TUBA8: variants seen among roughly 807,000 people sequenced by gnomAD.
TUBA8 encodes the protein tubulin alpha-8 chain.
In TUBA8, 29 loss-of-function variants were observed where a neutral mutation model predicts 34.7. That is an observed-to-expected ratio of 0.84 (90% CI 0.62 to 1.14). The LOEUF (loss-of-function observed/expected upper bound fraction) is 1.14. Among genes scored for constraint, TUBA8 ranks in the 50% most tolerant of loss-of-function variants. The pLI, the probability that TUBA8 is intolerant of heterozygous loss-of-function variation, is 0.00. For missense variants in TUBA8, 541 were observed against 599.2 expected (o/e 0.90, Z 1.01); for synonymous variants, 226 against 231.2 (o/e 0.98, Z 0.21).
rs760226553 is a variant in TUBA8, at chr22:18,126,503, C to T, written c.525C>T (p.Pro175=). The part of the protein sequence containing the change: ...SKLEFAIYPA[P]QVSTAVVEPY... The stretch of plus-strand genomic sequence containing the variant: ...TGGAGTTTGCCATCTACCCAGCCCC[C>T]CAGGTCTCTACTGCAGTGGTGGAGC... Residue 175 remains proline (P), a synonymous_variant, in exon 4 of 5, where the codon CCC becomes CCT. Coordinates refer to ENST00000330423, the MANE Select transcript of TUBA8 (RefSeq NM_018943.3). The surrounding 1 kb of genome is among the most constrained non-coding windows in gnomAD (Gnocchi z 4.0). 3 of 1,614,130 alleles carry T rather than the reference C, an allele frequency of 1.9e-6. No individual in the cohort carries two copies. The highest frequency in any genetic ancestry group is 2.2e-5 in the East Asian group (1 of 44,878).
In TUBA8 at chr22:18,124,489, G is replaced by T; in HGVS notation, c.375+185G>T. On this transcript the variant is annotated intron_variant, in intron 3 of 4. Coordinates refer to ENST00000330423, the MANE Select transcript of TUBA8 (RefSeq NM_018943.3). This position sits in a 1 kb window ranked among gnomAD's most constrained non-coding sequence, Gnocchi z 4.3. The stretch of plus-strand genomic sequence containing the variant: ...ACAGGGGTGATGCCCCTTCCTCTGT[G>T]TTGGCATCATAGACTGTGTTCCAGG... The T allele has an allele frequency of 1.5e-6, 1 of 662,636 alleles. No homozygotes were observed. The highest frequency in any genetic ancestry group is 2.5e-6 in the Non-Finnish European group (1 of 398,514). The allele number at this position is 662,636 out of a possible 1,614,324, so 41.0% of individuals were successfully genotyped here. A position where few individuals can be genotyped will look rare whatever the true frequency, so the allele number is the denominator to read the frequency against.
intron 2 of TUBA8, chr22:18,122,219 C>G (rs1419832446): frequency 6.3e-6 from 1 of 157,852 alleles, no homozygotes; most frequent in Non-Finnish European, 1.4e-5. Flanking sequence ...GCAGATCTCC[C>G]CTTCCCACAC....
intron 4 of TUBA8, 55 bp downstream of exon 4, chr22:18,127,089 G>A: frequency 6.3e-7 from 1 of 1,594,774 alleles, no homozygotes; most frequent in South Asian, 1.1e-5. Context: ...AGAGGGAGGT[G>A]ACCAAGGATA....
intron 3 of TUBA8, chr22:18,125,513 CAAAAAAAAAAA>C (rs361619): frequency 4.5e-5 from 3 of 66,970 alleles, no homozygotes; most frequent in Non-Finnish European, 1.1e-4. Context: ...GACTCTGTCT[CAAAAAAAAAAA>C]AAAAAAAAAA....
rs140079876 is a variant in TUBA8, at chr22:18,130,729, C to T, written c.1057-114C>T. The T allele has an allele frequency of 4.2e-4, 597 of 1,417,360 alleles. 1 individual carries two copies. Among genetic ancestry groups the T allele is most frequent in the Admixed American group, 1.9e-3 (106 of 55,362 alleles). 87.8% of individuals were successfully genotyped at this position (1,417,360 alleles called of 1,614,324 possible). A position where few individuals can be genotyped will look rare whatever the true frequency, so the allele number is the denominator to read the frequency against. ...GTTGCATCCCATAGCCCCACTCCCA[C>T]GCCCCTGACCATGACTTGAAGCCAT... On this transcript the variant is annotated intron_variant, in intron 4 of 4. Coordinates refer to ENST00000330423, the MANE Select transcript of TUBA8 (RefSeq NM_018943.3).
In TUBA8 at chr22:18,118,310, C is replaced by T. The variant is rs1440492842; in HGVS notation, c.4-3169C>T. On this transcript the variant is annotated intron_variant, in intron 1 of 4. Transcript: ENST00000330423. The surrounding 1 kb of genome is among the most constrained non-coding windows in gnomAD (Gnocchi z 4.0). Reference sequence around the variant, plus strand: ...TCAATTAAAGAAAAAAGAGCCTTCTCTAACTAACGGGGCTGTCTGGATAGG... The same window carrying T: ...TCAATTAAAGAAAAAAGAGCCTTCTTTAACTAACGGGGCTGTCTGGATAGG... 3 of 152,242 alleles carry T rather than the reference C, an allele frequency of 2.0e-5. No homozygotes were observed. The East Asian group carries it at 5.8e-4, about 29-fold the overall frequency. The allele number at this position is 152,242 out of a possible 1,614,324, so 9.4% of individuals were successfully genotyped here.
rs1023802956 is a variant in TUBA8, at chr22:18,131,543, G to A, written c.*407G>A. On this transcript the variant is annotated 3_prime_UTR_variant, in exon 5 of 5. Coordinates refer to ENST00000330423, the MANE Select transcript of TUBA8 (RefSeq NM_018943.3). This position sits in a 1 kb window ranked among gnomAD's most constrained non-coding sequence, Gnocchi z 5.3. ...GGAAGATTCCGGGGCAGGGGTGAGC[G>A]GACGTTCACATGAGTGGGTCTATAG... The A allele has an allele frequency of 1.7e-5, 5 of 288,844 alleles. No individual in the cohort carries two copies. Among genetic ancestry groups the A allele is most frequent in the East Asian group, 8.9e-5 (1 of 11,214 alleles). 17.9% of individuals were successfully genotyped at this position (288,844 alleles called of 1,614,324 possible). A position where few individuals can be genotyped will look rare whatever the true frequency, so the allele number is the denominator to read the frequency against.
At position 18,131,268 on chromosome 22, in the gene TUBA8, A is replaced by G; in HGVS notation, c.*132A>G. 14 of 1,004,444 alleles carry G rather than the reference A, an allele frequency of 1.4e-5. No homozygotes were observed. The highest frequency in any genetic ancestry group is 2.1e-5 in the Non-Finnish European group (14 of 665,008). The allele number at this position is 1,004,444 out of a possible 1,614,324, so 62.2% of individuals were successfully genotyped here. Reference sequence around the variant, plus strand: ...ACCCAGGAGGAGGGTGCCTGGCCCCAGTACCCAGGGTGGCACGACTGGGCT... The same window carrying G: ...ACCCAGGAGGAGGGTGCCTGGCCCCGGTACCCAGGGTGGCACGACTGGGCT... On this transcript the variant is annotated 3_prime_UTR_variant, in exon 5 of 5. Coordinates refer to ENST00000330423, the MANE Select transcript of TUBA8 (RefSeq NM_018943.3). The surrounding 1 kb of genome is among the most constrained non-coding windows in gnomAD (Gnocchi z 5.3).
At position 18,126,196 on chromosome 22, in the gene TUBA8, C is replaced by A; in HGVS notation, c.376-158C>A. 1 of 706,532 alleles carries A rather than the reference C, an allele frequency of 1.4e-6. No individual in the cohort carries two copies. Among genetic ancestry groups the A allele is most frequent in the Non-Finnish European group, 2.4e-6 (1 of 414,540 alleles). The allele number at this position is 706,532 out of a possible 1,614,324, so 43.8% of individuals were successfully genotyped here. A position where few individuals can be genotyped will look rare whatever the true frequency, so the allele number is the denominator to read the frequency against. ...ATATTTTAGCCACTCCTCCAAAGAT[C>A]AATACAACTCCTTTTGTTTCCTTAC... On this transcript the variant is annotated intron_variant, in intron 3 of 4. Coordinates refer to ENST00000330423, the MANE Select transcript of TUBA8 (RefSeq NM_018943.3). The surrounding 1 kb of genome is among the most constrained non-coding windows in gnomAD (Gnocchi z 4.0).
chr22:18,129,941 C>T (rs1035066372), intron 4 of TUBA8: 1 of 152,252 alleles, frequency 6.6e-6, no homozygotes, highest in Admixed American at 6.5e-5. Flanking sequence ...AGCAGCACCA[C>T]TGTAAGACGG....
In TUBA8 at chr22:18,126,543, C is replaced by T. The variant is rs921226473; in HGVS notation, c.565C>T (p.Leu189=). The T allele has an allele frequency of 1.2e-6, 2 of 1,614,200 alleles. No homozygotes were observed. Among genetic ancestry groups the T allele is most frequent in the Non-Finnish European group, 1.7e-6 (2 of 1,180,046 alleles). Residue 189 remains leucine (L), a synonymous_variant, in exon 4 of 5, where the codon CTG becomes TTG. Coordinates refer to ENST00000330423, the MANE Select transcript of TUBA8 (RefSeq NM_018943.3). The surrounding 1 kb of genome is among the most constrained non-coding windows in gnomAD (Gnocchi z 4.0). ...AGTGGTGGAGCCCTACAACTCCATC[C>T]TGACCACCCACACCACACTGGAACA... The part of the protein sequence containing the change: ...TAVVEPYNSI[L]TTHTTLEHSD...
intron 4 of TUBA8, chr22:18,129,921 T>G (rs1214386102): frequency 1.3e-5 from 2 of 152,068 alleles, no homozygotes; most frequent in African/African-American, 4.8e-5. Flanking sequence ...AGAAGAGAGA[T>G]TTCCAGGATA....
At chr22:18,123,987 A>C in intron 2 of TUBA8, 169 bp from the exon 3 acceptor site, 1 of 775,360 alleles carries the variant, frequency 1.3e-6, no homozygotes, top group Non-Finnish European at 2.1e-6. Flanking sequence ...TCCCTGAGCT[A>C]CCCGGGAATT....
rs1183959405 is a variant in TUBA8 at position 18,119,932 on chromosome 22, G to T, written c.4-1547G>T. ...CTGGAAAATGCCAGGGCAGGTCATG[G>T]GTAAAAATAGAAACCCACAGACCTG... On this transcript the variant is annotated intron_variant, in intron 1 of 4. Transcript: ENST00000330423. This position sits in a 1 kb window ranked among gnomAD's most constrained non-coding sequence, Gnocchi z 5.9. 2.0e-5 allele frequency: 3 copies of T among 152,224 alleles called. No homozygotes were observed. Among genetic ancestry groups the T allele is most frequent in the Admixed American group, 6.5e-5 (1 of 15,286 alleles). The allele number at this position is 152,224 out of a possible 1,614,324, so 9.4% of individuals were successfully genotyped here.
rs1569199392 is a variant in TUBA8, at chr22:18,121,853, G to A, written c.226+152G>A. ...CCACGTGACATCTGTCAGCTCCTTG[G>A]GGTCCCCACAGTCTCGGGGAATCTC... On this transcript the variant is annotated intron_variant, in intron 2 of 4. Coordinates refer to ENST00000330423, the MANE Select transcript of TUBA8 (RefSeq NM_018943.3). The surrounding 1 kb of genome is among the most constrained non-coding windows in gnomAD (Gnocchi z 4.8). 3 of 699,676 alleles carry A rather than the reference G, an allele frequency of 4.3e-6. No individual in the cohort carries two copies. The highest frequency in any genetic ancestry group is 3.5e-5 in the South Asian group (2 of 56,578). 43.3% of individuals were successfully genotyped at this position (699,676 alleles called of 1,614,324 possible). A position where few individuals can be genotyped will look rare whatever the true frequency, so the allele number is the denominator to read the frequency against.
chr22:18,118,947 C>T lies in TUBA8; in HGVS notation c.4-2532C>T, dbSNP rs1928058902. 6.6e-6 allele frequency: 1 copy of T among 152,276 alleles called. No homozygotes were observed. The highest frequency in any genetic ancestry group is 6.5e-5 in the Admixed American group (1 of 15,280). The allele number at this position is 152,276 out of a possible 1,614,324, so 9.4% of individuals were successfully genotyped here. On this transcript the variant is annotated intron_variant, in intron 1 of 4. Transcript: ENST00000330423. The surrounding 1 kb of genome is among the most constrained non-coding windows in gnomAD (Gnocchi z 4.0). ...CGATTTTCCCAAAATATCCCTGCGT[C>T]CTCCCTGGAAAGCCCCAGAATGTTC...
At chr22:18,123,836 A>G in intron 2 of TUBA8, 1 of 357,698 alleles carries the variant, frequency 2.8e-6, no homozygotes, top group Non-Finnish European at 5.4e-6. Flanking sequence ...CGGCCTCCCA[A>G]AGTGTTAGGA....
chr22:18,127,148 G>T, intron 4 of TUBA8, 114 bp downstream of exon 4: 2 of 1,038,898 alleles, frequency 1.9e-6, no homozygotes, highest in Non-Finnish European at 2.8e-6. Context: ...AGGGGAGGGG[G>T]ACTTCAACCA....
intron 4 of TUBA8, chr22:18,128,303 T>C (rs1809454013): frequency 6.6e-6 from 1 of 152,060 alleles, no homozygotes; most frequent in African/African-American, 2.4e-5. Context: ...GTCTGGAAAA[T>C]GCCAGGCTCA....
Sources: gnomAD v4.1 joint callset for allele counts on GRCh38, gnomAD v4.1.1 for gene constraint, Gnocchi (gnomAD v3.1) non-coding constraint, MANE v1.5 for transcripts, NCBI Gene and HGNC (gene_info 2026-07-23, HGNC 2026-07-21) for gene names.